MACF1: variants seen among roughly 807,000 people sequenced by gnomAD.
MACF1 encodes microtubule actin crosslinking factor 1, also known as microtubule-actin cross-linking factor 1.
Under a neutral mutation model 854.8 loss-of-function variants are expected in MACF1, and 193 were observed. The ratio of observed to expected loss-of-function variants is 0.23; its 90% CI spans 0.20 to 0.25. MACF1 has a LOEUF of 0.25. Ranked by LOEUF, MACF1 falls within the 10% of genes least tolerant of loss-of-function variation. The pLI, the probability that MACF1 is intolerant of heterozygous loss-of-function variation, is 1.00. For synonymous variants in MACF1, 3,185 were observed against 3,226.7 expected (o/e 0.99, Z 0.44); for missense variants, 7,722 against 8,929.1 (o/e 0.86, Z 5.45).
chr1:39,275,079 CTTTTT>C (rs765812955), intron 6 of MACF1, among the ~76,000 whole-genome samples: 4 of 138,076 alleles, frequency 2.9e-5, no homozygotes, highest in Admixed American at 7.3e-5. Flanking sequence ...CAATAAGATA[CTTTTT>C]TTTTTTTTTT....
At chr1:39,473,836 T>G (rs888942096) in intron 97 of MACF1, among the ~76,000 whole-genome samples, 1 of 152,198 alleles carries the variant, frequency 6.6e-6, no homozygotes, top group Non-Finnish European at 1.5e-5. Flanking sequence ...CTGCAGAAGC[T>G]CTCAGCCTAG....
Position 39,300,301 on chromosome 1 carries a change from C to T in MACF1, c.2573C>T (p.Pro858Leu). 6.2e-7 allele frequency: 1 copy of T among 1,614,008 alleles called. No homozygotes were observed. Among genetic ancestry groups the T allele is most frequent in the Non-Finnish European group, 8.5e-7 (1 of 1,180,004 alleles). Residue 858 changes from proline to leucine, a missense_variant, in exon 22 of 101, where the codon CCA (proline) becomes CTA (leucine). By Grantham distance (98) the Pro-to-Leu change is moderately conservative. This residue lies in a region of MACF1 where 1,137 missense variants were observed against 1,263.0 expected (regional missense o/e 0.90). Coordinates refer to ENST00000564288, the MANE Select transcript of MACF1 (RefSeq NM_001394062.1). ...ATCGTTCAGCTAAAACCACGCAGTCCAGACCATGTGTTAAAGAACACCATT... is the reference window on the plus strand; with the variant it reads ...ATCGTTCAGCTAAAACCACGCAGTCTAGACCATGTGTTAAAGAACACCATT... ...KTIVQLKPRS[P>L]DHVLKNTISV... is the part of the protein sequence containing the mutation.
chr1:39,238,115 A>G (rs1644879970), intron 2 of MACF1, among the ~76,000 whole-genome samples: 1 of 152,188 alleles, frequency 6.6e-6, no homozygotes, highest in South Asian at 2.1e-4. Context: ...GGGAGCACCG[A>G]GCTTTGACTG....
At chr1:39,198,864 A>G (rs1438953345) in intron 2 of MACF1, among the ~76,000 whole-genome samples, 1 of 152,134 alleles carries the variant, frequency 6.6e-6, no homozygotes, top group African/African-American at 2.4e-5. Context: ...AGCAATTAAT[A>G]TATACTGTTG....
At chr1:39,475,989 A>G (rs2124184249) in intron 97 of MACF1, among the ~76,000 whole-genome samples, 1 of 152,318 alleles carries the variant, frequency 6.6e-6, no homozygotes, top group East Asian at 1.9e-4. Context: ...GGTTTCAAAA[A>G]CAAGAGAGCA....
At position 39,331,459 on chromosome 1, in the gene MACF1, G is replaced by A. The variant is rs1419823158; in HGVS notation, c.4871G>A (p.Arg1624Lys). Reference protein sequence around the residue: ...ELQDALALISRLTESRGPLSV... With the variant: ...ELQDALALISKLTESRGPLSV... ...CAGGATGCCCTGGCCTTAATAAGCAGGCTTACTGAGAGCAGAGGCCCTCTT... is the reference window on the plus strand; with the variant it reads ...CAGGATGCCCTGGCCTTAATAAGCAAGCTTACTGAGAGCAGAGGCCCTCTT... Residue 1624 changes from arginine to lysine, a missense_variant, in exon 37 of 101, where the codon AGG becomes AAG. By Grantham distance (26) the Arg-to-Lys change is conservative. This residue lies in a region of MACF1 where 1,531 missense variants were observed against 1,601.6 expected (regional missense o/e 0.96). Coordinates refer to ENST00000564288, the MANE Select transcript of MACF1 (RefSeq NM_001394062.1). The A allele has an allele frequency of 6.2e-7, 1 of 1,614,066 alleles. No individual in the cohort carries two copies. Among genetic ancestry groups the A allele is most frequent in the South Asian group, 1.1e-5 (1 of 91,074 alleles).
chr1:39,089,919 G>A (rs1007703788), intron 2 of MACF1, among the ~76,000 whole-genome samples: 5 of 152,208 alleles, frequency 3.3e-5, no homozygotes, highest in African/African-American at 1.2e-4. Flanking sequence ...CACATGGCCC[G>A]TTACTGCACT....
Position 39,434,212 on chromosome 1 carries a change from AATAT to A in MACF1, c.17566-199_17566-196del, listed in dbSNP as rs576181476. On this transcript the variant is annotated intron_variant, in intron 68 of 100. Coordinates refer to ENST00000564288, the MANE Select transcript of MACF1 (RefSeq NM_001394062.1). ...TATCTTTTAAAAATTATAGAAATAA[AATAT>A]ATGTATGATAGGAAAATTAGAAAAT... is the stretch of plus-strand genomic sequence containing the variant. Among the ~76,000 whole-genome samples the A allele has an allele frequency of 2.6e-5, 4 of 152,188 alleles. No individual in the cohort carries two copies. The South Asian group carries it at 6.2e-4, about 24-fold the overall frequency.
At chr1:39,382,330 ACTCTATTATT>A in intron 56 of MACF1, among the ~76,000 whole-genome samples, 178 bp downstream of exon 56, 1 of 151,986 alleles carries the variant, frequency 6.6e-6, no homozygotes, top group Middle Eastern at 3.4e-3. Flanking sequence ...ACAGTCAAAA[ACTCTATTATT>A]ATTATTAATA....
chr1:39,272,650 T>A (rs1286457834), intron 6 of MACF1, among the ~76,000 whole-genome samples: 1 of 152,202 alleles, frequency 6.6e-6, no homozygotes, highest in Non-Finnish European at 1.5e-5. Context: ...AGGCTATGGA[T>A]AGACATAAAC....
intron 98 of MACF1, 134 bp from the exon 99 acceptor site, chr1:39,480,786 A>G: frequency 1.6e-6 from 1 of 617,466 alleles, no homozygotes; most frequent in Non-Finnish European, 2.9e-6. Flanking sequence ...TGATGGACCA[A>G]CATGCATTTT....
intron 2 of MACF1, among the ~76,000 whole-genome samples, chr1:39,173,727 T>C (rs1451077822): frequency 6.6e-6 from 1 of 152,180 alleles, no homozygotes; most frequent in Non-Finnish European, 1.5e-5. Flanking sequence ...TGTGTTTGTT[T>C]TTCAGTAGGC....
intron 49 of MACF1, among the ~76,000 whole-genome samples, chr1:39,363,891 C>T (rs962903208): frequency 6.6e-6 from 1 of 152,114 alleles, no homozygotes; most frequent in African/African-American, 2.4e-5. Flanking sequence ...GGATTATAGG[C>T]ATGAGCCACC....
intron 2 of MACF1, among the ~76,000 whole-genome samples, chr1:39,155,674 C>T (rs940307257): frequency 2.6e-5 from 4 of 152,190 alleles, no homozygotes; most frequent in Admixed American, 2.6e-4. Context: ...TAGTTTTCAT[C>T]AGATTCTCAC....
chr1:39,367,993 AT>A lies in MACF1; in HGVS notation c.12772-154del, dbSNP rs202001547. Among the ~76,000 whole-genome samples the A allele has an allele frequency of 0.027, 3,549 of 132,974 alleles. 149 individuals carry two copies. Among genetic ancestry groups the A allele is most frequent in the African/African-American group, 0.11 (3,241 of 30,254 alleles). The allele number at this position is 132,974 out of a possible 152,430, so 87.2% of individuals were successfully genotyped here. ...CTCAAAAGGAAAAAAAAAAAAAAAA[AT>A]GTTTGTTTGTTTTTTTTAAACTTTT... On this transcript the variant is annotated intron_variant, in intron 49 of 100. Coordinates refer to ENST00000564288, the MANE Select transcript of MACF1 (RefSeq NM_001394062.1).
At position 39,442,476 on chromosome 1, in the gene MACF1, G is replaced by A; in HGVS notation, c.19013G>A (p.Ser6338Asn). The A allele has an allele frequency of 6.2e-7, 1 of 1,614,190 alleles. No individual in the cohort carries two copies. Among genetic ancestry groups the A allele is most frequent in the Non-Finnish European group, 8.5e-7 (1 of 1,180,024 alleles). The change falls in exon 77 of 101, where the codon AGT becomes AAT. Residue 6338 changes from serine (S) to asparagine (N), a missense_variant. Ser to Asn is a conservative substitution (Grantham distance 46). This residue lies in a region of MACF1 where 2,807 missense variants were observed against 3,235.8 expected (regional missense o/e 0.87). Coordinates refer to ENST00000564288, the MANE Select transcript of MACF1 (RefSeq NM_001394062.1). ...CAGCATGCCTTAGAGGAACTAATGA[G>A]TTGGCTGACTCATACCGAAGAGTTG... The part of the protein sequence containing the change: ...QFQHALEELM[S>N]WLTHTEELLD...
Position 39,334,926 on chromosome 1 carries a change from G to C in MACF1, c.8338G>C (p.Glu2780Gln). 6.2e-7 allele frequency: 1 copy of C among 1,614,158 alleles called. No individual in the cohort carries two copies. Among genetic ancestry groups the C allele is most frequent in the Non-Finnish European group, 8.5e-7 (1 of 1,180,012 alleles). Reference sequence around the variant, plus strand: ...TCAGATTGAAAAGCAAGAAGGGATTGAAGTGTGTGCATTACAAAATGAATT... The same window carrying C: ...TCAGATTGAAAAGCAAGAAGGGATTCAAGTGTGTGCATTACAAAATGAATT... ...RAQIEKQEGI[E>Q]VCALQNEFLG... Residue 2780 changes from glutamate to glutamine, a missense_variant, in exon 37 of 101, where the codon GAA becomes CAA. By Grantham distance (29) the Glu-to-Gln change is conservative. Around this residue, in one of 15 missense-constraint regions of MACF1, gnomAD observed 1,531 missense variants for 1,601.6 expected, o/e 0.96. Coordinates refer to ENST00000564288, the MANE Select transcript of MACF1 (RefSeq NM_001394062.1).
rs1217516673 is a variant in MACF1, at chr1:39,412,082, C to G, written c.15817-10292C>G. 2.5e-6 allele frequency: 4 copies of G among 1,613,860 alleles called. No homozygotes were observed. In the African/African-American group the frequency reaches 5.3e-5, roughly 22 times the overall value. The stretch of plus-strand genomic sequence containing the variant: ...CTGGACCCAGGAGGACTGCTGAACT[C>G]TGATCACAGGGTTTCTCATGAAGAA... On this transcript the variant is annotated intron_variant, in intron 58 of 100. Transcript: ENST00000564288.
intron 2 of MACF1, among the ~76,000 whole-genome samples, chr1:39,196,260 G>A (rs1644318823): frequency 6.6e-6 from 1 of 152,192 alleles, no homozygotes; most frequent in African/African-American, 2.4e-5. Flanking sequence ...TGGCATCTAT[G>A]TATACGGAGC....
Sources: allele counts gnomAD v4.1 joint callset (sites outside exome capture counted in the v4.1 genomes callset), GRCh38; gene constraint gnomAD v4.1.1; regional missense constraint gnomAD v4.1.1; transcripts MANE v1.5; gene names NCBI Gene and HGNC (gene_info 2026-07-23, HGNC 2026-07-21).